Variants in BTBD9 observed in about 807,000 individuals in gnomAD.
The protein encoded by BTBD9 is BTB domain containing 9.
BTBD9 carries 49 observed loss-of-function variants against 64.3 expected under a neutral mutation model. That is an observed-to-expected ratio of 0.76 (90% confidence interval 0.61 to 0.97). BTBD9 has a LOEUF of 0.97. BTBD9 is among the 50% of genes least tolerant of loss of function. BTBD9 has a pLI of 0.00. For missense variants in BTBD9, 598 were observed against 762.1 expected (o/e 0.78, Z 2.53); for synonymous variants, 260 against 274.7 (o/e 0.95, Z 0.53).
intron 1 of BTBD9, among the ~76,000 whole-genome samples, chr6:38,608,872 T>A (rs1357199348): frequency 2.0e-5 from 3 of 152,240 alleles, no homozygotes. Context: ...CTTCCTCATT[T>A]GTTTTATGAA....
rs1187533082 is a variant in BTBD9, at chr6:38,597,971, C to T, written c.124G>A (p.Val42Met). 5 of 1,613,980 alleles carry T rather than the reference C, an allele frequency of 3.1e-6. No individual in the cohort carries two copies. The highest frequency in any genetic ancestry group is 4.2e-6 in the Non-Finnish European group (5 of 1,179,898). Residue 42 changes from valine (V) to methionine (M), a missense_variant, in exon 2 of 11, where the codon GTG becomes ATG. Physicochemically the swap from Val to Met is conservative, Grantham distance 21. Transcript: ENST00000481247. ...TGGGCAGGAAAACGTTTCTTTTCCA[C>T]CACGAATGTGACGTCGCCATATTCT... is the stretch of plus-strand genomic sequence containing the variant. ...GEEYGDVTFV[V>M]EKKRFPAHRV...
intron 9 of BTBD9, among the ~76,000 whole-genome samples, chr6:38,197,956 G>A (rs1337569247): frequency 6.6e-6 from 1 of 152,202 alleles, no homozygotes; most frequent in Non-Finnish European, 1.5e-5. Context: ...AGGAGAGGGC[G>A]AGGACTGGGA....
intron 6 of BTBD9, among the ~76,000 whole-genome samples, chr6:38,478,071 T>C (rs1045670190): frequency 2.6e-5 from 4 of 152,188 alleles, no homozygotes; most frequent in East Asian, 1.9e-4. Context: ...ACAAAAAGCA[T>C]GTGTGAGTGC....
intron 6 of BTBD9, among the ~76,000 whole-genome samples, chr6:38,407,189 A>G (rs971785212): frequency 1.3e-5 from 2 of 152,204 alleles, no homozygotes; most frequent in Non-Finnish European, 2.9e-5. Context: ...TTAAACTTTT[A>G]TTTTCCTTTT....
chr6:38,409,018 G>T (rs558258506), intron 6 of BTBD9, among the ~76,000 whole-genome samples: 4 of 152,348 alleles, frequency 2.6e-5, no homozygotes, highest in South Asian at 2.1e-4. Flanking sequence ...GGGAGGCCGA[G>T]GCAGGTGGAT....
chr6:38,214,154 T>A (rs1191211007), intron 9 of BTBD9, among the ~76,000 whole-genome samples: 1 of 152,176 alleles, frequency 6.6e-6, no homozygotes, highest in Non-Finnish European at 1.5e-5. Flanking sequence ...TTATAAAAGG[T>A]GCATGTTCTC....
intron 8 of BTBD9, among the ~76,000 whole-genome samples, chr6:38,261,097 G>A (rs370294490): frequency 4.0e-5 from 6 of 151,758 alleles, no homozygotes; most frequent in East Asian, 1.9e-4. Flanking sequence ...ACACCACCAC[G>A]CCCAGCTGAT....
At chr6:38,211,201 G>A (rs773903231) in intron 9 of BTBD9, among the ~76,000 whole-genome samples, 2 of 152,024 alleles carry the variant, frequency 1.3e-5, no homozygotes, top group African/African-American at 4.8e-5. Context: ...AGGCCGAGGC[G>A]GGTGGATCAC....
chr6:38,359,091 A>G (rs1764853353), intron 6 of BTBD9, among the ~76,000 whole-genome samples: 1 of 152,168 alleles, frequency 6.6e-6, no homozygotes. Context: ...CTTTTTGTTA[A>G]GCTAAGGAAA....
At chr6:38,559,820 G>A (rs779588356) in intron 6 of BTBD9, among the ~76,000 whole-genome samples, 12 of 152,136 alleles carry the variant, frequency 7.9e-5, no homozygotes, top group Middle Eastern at 3.4e-3. Flanking sequence ...AAAAACAAGC[G>A]AGGGGGAAAG....
intron 1 of BTBD9, among the ~76,000 whole-genome samples, chr6:38,627,642 G>A (rs1682312354): frequency 6.6e-6 from 1 of 152,116 alleles, no homozygotes; most frequent in Admixed American, 6.5e-5. Context: ...GGATGTCTGT[G>A]GGGTCAGGAT....
At chr6:38,177,916 C>A (rs901427400) in intron 10 of BTBD9, among the ~76,000 whole-genome samples, 2 of 152,254 alleles carry the variant, frequency 1.3e-5, no homozygotes, top group African/African-American at 4.8e-5. Flanking sequence ...GAACTCCTAA[C>A]TATCTCTCTC....
chr6:38,246,470 G>C (rs1289431973), intron 9 of BTBD9, among the ~76,000 whole-genome samples: 1 of 152,052 alleles, frequency 6.6e-6, no homozygotes, highest in Non-Finnish European at 1.5e-5. Context: ...ACGTGTGTGT[G>C]TGTGTGTATT....
At chr6:38,273,319 T>G (rs184814682) in intron 8 of BTBD9, among the ~76,000 whole-genome samples, 72 of 152,340 alleles carry the variant, frequency 4.7e-4, no homozygotes, top group Admixed American at 1.8e-3. Flanking sequence ...AATCCACAGA[T>G]AGTATACAAC....
chr6:38,600,114 A>C (rs985032216), intron 1 of BTBD9, among the ~76,000 whole-genome samples: 1 of 152,256 alleles, frequency 6.6e-6, no homozygotes, highest in African/African-American at 2.4e-5. Flanking sequence ...AGTAGTCTTA[A>C]TGTGTACACA....
chr6:38,499,542 T>G (rs1445537418), intron 6 of BTBD9, among the ~76,000 whole-genome samples: 2 of 152,234 alleles, frequency 1.3e-5, no homozygotes, highest in East Asian at 3.8e-4. Flanking sequence ...ATTGCTTATT[T>G]ATGCAATATA....
At chr6:38,548,615 G>A (rs778711406) in intron 6 of BTBD9, among the ~76,000 whole-genome samples, 7 of 151,886 alleles carry the variant, frequency 4.6e-5, no homozygotes, top group South Asian at 2.1e-4. Flanking sequence ...CCCAACTCAC[G>A]CATTAATCTT....
chr6:38,177,171 C>T (rs921376202), intron 10 of BTBD9, among the ~76,000 whole-genome samples: 3 of 152,156 alleles, frequency 2.0e-5, no homozygotes, highest in East Asian at 1.9e-4. Context: ...TCAATATCTC[C>T]GGAGGCCGCT....
chr6:38,605,171 C>T (rs575966707), intron 1 of BTBD9, among the ~76,000 whole-genome samples: 4 of 152,054 alleles, frequency 2.6e-5, no homozygotes, highest in South Asian at 4.2e-4. Context: ...CTCAGCCTCC[C>T]GAGTAGCTGG....
Sources: allele counts gnomAD v4.1 joint callset (sites outside exome capture counted in the v4.1 genomes callset), GRCh38; gene constraint gnomAD v4.1.1; transcripts MANE v1.5; gene names NCBI Gene and HGNC (gene_info 2026-07-23, HGNC 2026-07-21).